The following STK39 variants were observed in gnomAD, a reference collection of about 807,000 sequenced individuals.
STK39 encodes the protein serine/threonine kinase 39.
A neutral mutation model predicts 77.8 loss-of-function variants in STK39; 20 were observed. The ratio of observed to expected loss-of-function variants is 0.26; its 90% CI spans 0.18 to 0.37. STK39 has a LOEUF of 0.37. STK39 is among the 10% of genes least tolerant of loss of function. The probability of loss-of-function intolerance (pLI) is 1.00; values close to 1 mark genes in which losing one functional copy is unlikely to be tolerated. For synonymous variants in STK39, 246 were observed against 234.1 expected (o/e 1.05, Z -0.47); for missense variants, 479 against 656.5 (o/e 0.73, Z 2.95).
At chr2:168,159,661 G>A (rs3754776) in intron 5 of STK39, among the ~76,000 whole-genome samples, 28 of 152,062 alleles carry the variant, frequency 1.8e-4, no homozygotes, top group African/African-American at 6.5e-4. Flanking sequence ...TCTAGAAAGC[G>A]ACAGTTCCAG....
intron 5 of STK39, among the ~76,000 whole-genome samples, chr2:168,159,370 C>G (rs980179881): frequency 3.3e-5 from 5 of 152,130 alleles, no homozygotes; most frequent in Non-Finnish European, 1.5e-5. Context: ...CTCTTCCCCC[C>G]GATCTCGCCT....
chr2:168,172,683 A>C (rs1688858716), intron 2 of STK39, among the ~76,000 whole-genome samples: 1 of 152,208 alleles, frequency 6.6e-6, no homozygotes, highest in Non-Finnish European at 1.5e-5. Context: ...AAGAGTTTAA[A>C]TGATTCTGAA....
At chr2:167,971,819 G>A (rs1337322619) in intron 16 of STK39, among the ~76,000 whole-genome samples, 1 of 152,200 alleles carries the variant, frequency 6.6e-6, no homozygotes, top group African/African-American at 2.4e-5. Context: ...AGGGTTAGAG[G>A]CCCTCCCCTC....
chr2:168,071,786 C>T (rs546513418), intron 12 of STK39, among the ~76,000 whole-genome samples: 2 of 151,046 alleles, frequency 1.3e-5, no homozygotes, highest in Non-Finnish European at 2.9e-5. Flanking sequence ...AGGAGAAAGG[C>T]GTGAACCCGG....
intron 1 of STK39, among the ~76,000 whole-genome samples, chr2:168,193,722 G>A (rs1216973267): frequency 6.6e-6 from 1 of 152,196 alleles, no homozygotes; most frequent in Non-Finnish European, 1.5e-5. Context: ...TGAAAGATGT[G>A]GAGACAACAT....
At chr2:168,207,861 T>A (rs550434260) in intron 1 of STK39, among the ~76,000 whole-genome samples, 4 of 152,284 alleles carry the variant, frequency 2.6e-5, no homozygotes, top group Non-Finnish European at 5.9e-5. Context: ...AGGAATGAGA[T>A]CCCAACTGAG....
intron 10 of STK39, among the ~76,000 whole-genome samples, chr2:168,112,495 CATGT>C (rs1255954975): frequency 6.6e-6 from 1 of 152,082 alleles, no homozygotes; most frequent in Non-Finnish European, 1.5e-5. Flanking sequence ...CTCCTGCTGC[CATGT>C]AAGATGCGTC....
intron 10 of STK39, among the ~76,000 whole-genome samples, chr2:168,123,214 T>C (rs1270602495): frequency 6.6e-6 from 1 of 152,226 alleles, no homozygotes; most frequent in Non-Finnish European, 1.5e-5. Flanking sequence ...AAAGAAACAC[T>C]GTTCTAGATT....
chr2:168,163,944 C>T (rs1204241527), intron 3 of STK39, 64 bp from the exon 4 acceptor site: 12 of 1,548,918 alleles, frequency 7.7e-6, no homozygotes, highest in Non-Finnish European at 7.8e-6. Flanking sequence ...AACAAGACTC[C>T]ATTATGTATA....
intron 2 of STK39, among the ~76,000 whole-genome samples, chr2:168,176,195 T>C (rs1487326122): frequency 6.6e-6 from 1 of 152,026 alleles, no homozygotes; most frequent in African/African-American, 2.4e-5. Context: ...AAGATGGAAG[T>C]TTTTTAATCA....
intron 17 of STK39, among the ~76,000 whole-genome samples, chr2:167,956,667 G>GACAT (rs1691775023): frequency 2.1e-5 from 1 of 47,922 alleles, no homozygotes; most frequent in African/African-American, 1.2e-4. Context: ...CTTGCTTTTA[G>GACAT]ACACACACAC....
intron 16 of STK39, among the ~76,000 whole-genome samples, chr2:168,000,506 CCTTT>C (rs1293436979): frequency 6.6e-6 from 1 of 152,180 alleles, no homozygotes; most frequent in Non-Finnish European, 1.5e-5. Flanking sequence ...CTGTATTCTA[CCTTT>C]CTATTAGACA....
intron 16 of STK39, among the ~76,000 whole-genome samples, chr2:167,982,685 C>G (rs1215752556): frequency 6.6e-6 from 1 of 152,186 alleles, no homozygotes; most frequent in African/African-American, 2.4e-5. Context: ...CAACACTGAG[C>G]TGGCATCTAA....
chr2:168,149,991 A>C (rs1688238179), intron 5 of STK39, among the ~76,000 whole-genome samples: 4 of 152,220 alleles, frequency 2.6e-5, no homozygotes, highest in Admixed American at 2.6e-4. Context: ...GGGGTCCATA[A>C]ACCAGACCAG....
intron 1 of STK39, among the ~76,000 whole-genome samples, chr2:168,224,814 C>T (rs955416062): frequency 1.2e-4 from 18 of 152,152 alleles, no homozygotes; most frequent in African/African-American, 3.6e-4. Context: ...CTTCTGAGTA[C>T]GTTGTTCATT....
chr2:168,173,838 C>T (rs534745955), intron 2 of STK39, among the ~76,000 whole-genome samples: 6 of 152,240 alleles, frequency 3.9e-5, no homozygotes, highest in African/African-American at 1.2e-4. Context: ...CGTGAGCCAC[C>T]GCACCCAGTC....
At chr2:167,975,062 A>C (rs558010229) in intron 16 of STK39, among the ~76,000 whole-genome samples, 1 of 152,358 alleles carries the variant, frequency 6.6e-6, no homozygotes, top group South Asian at 2.1e-4. Context: ...ACTGGTATTC[A>C]AAAGTTAATA....
At chr2:168,033,746 T>C (rs778779378) in intron 14 of STK39, among the ~76,000 whole-genome samples, 2 of 152,238 alleles carry the variant, frequency 1.3e-5, no homozygotes, top group East Asian at 3.9e-4. Flanking sequence ...CGACTCAGCC[T>C]GTCCTACCTT....
chr2:168,182,205 A>G, intron 1 of STK39, 115 bp from the exon 2 acceptor site: 1 of 697,542 alleles, frequency 1.4e-6, no homozygotes, highest in Non-Finnish European at 2.4e-6. Flanking sequence ...CGTATTCAGA[A>G]CATTACCATT....
Sources: gnomAD v4.1 joint callset for allele counts (sites outside exome capture counted in the v4.1 genomes callset) on GRCh38, gnomAD v4.1.1 for gene constraint, MANE v1.5 for transcripts, NCBI Gene and HGNC (gene_info 2026-07-23, HGNC 2026-07-21) for gene names.